The following CEP43 variants were observed in gnomAD, a reference collection of about 807,000 sequenced individuals.
CEP43 encodes centrosomal protein 43, also known as FGFR1 oncogene partner.
Under a neutral mutation model 52.6 loss-of-function variants are expected in CEP43, and 36 were observed. That is an observed-to-expected ratio of 0.68 (90% confidence interval 0.52 to 0.90). The LOEUF is 0.90. Ranked by LOEUF, CEP43 falls within the 40% of genes least tolerant of loss-of-function variation. The probability of loss-of-function intolerance (pLI) is 0.00; values close to 1 mark genes in which losing one functional copy is unlikely to be tolerated. For missense variants in CEP43, 506 were observed against 472.8 expected (o/e 1.07, Z -0.65); for synonymous variants, 192 against 172.4 (o/e 1.11, Z -0.89).
chr6:167,040,569 G>A lies in CEP43; in HGVS notation c.*591G>A. On this transcript the variant is annotated 3_prime_UTR_variant, in exon 13 of 13. Transcript: ENST00000366847. ...ATTAAGGTTATATTAAAGTACTCTT[G>A]TGTGTGCTATTTAGTTTTGCTTGTT... 1 of 1,066,830 alleles carries A rather than the reference G, an allele frequency of 9.4e-7. No individual in the cohort carries two copies. Among genetic ancestry groups the A allele is most frequent in the Non-Finnish European group, 1.1e-6 (1 of 877,608 alleles). 66.1% of individuals were successfully genotyped at this position (1,066,830 alleles called of 1,614,324 possible). A position where few individuals can be genotyped will look rare whatever the true frequency, so the allele number is the denominator to read the frequency against.
chr6:167,004,861 T>C (rs1779816666), intron 5 of CEP43, among the ~76,000 whole-genome samples: 1 of 152,250 alleles, frequency 6.6e-6, no homozygotes, highest in African/African-American at 2.4e-5. Flanking sequence ...ATTTTTGGAC[T>C]TAAAGGCCTC....
At position 167,000,031 on chromosome 6, in the gene CEP43, A is replaced by T. The variant is rs763739759; in HGVS notation, c.103-29A>T. ...GTTGTGAAAATTGTCTTGAAATTAT[A>T]ATTTCCTGTTTCTTAACTTTTTTTT... On this transcript the variant is annotated intron_variant, in intron 1 of 12. Transcript: ENST00000366847. 8.9e-6 allele frequency: 14 copies of T among 1,579,362 alleles called. 1 individual carries two copies. The highest frequency in any genetic ancestry group is 1.1e-5 in the Non-Finnish European group (13 of 1,151,120).
chr6:167,017,726 G>A (rs1364048806), intron 7 of CEP43, among the ~76,000 whole-genome samples: 1 of 151,868 alleles, frequency 6.6e-6, no homozygotes, highest in East Asian at 1.9e-4. Context: ...TTTATTATAT[G>A]AGTGTACTAT....
intron 5 of CEP43, among the ~76,000 whole-genome samples, chr6:167,009,523 A>G (rs1349148649): frequency 6.7e-6 from 1 of 149,966 alleles, no homozygotes; most frequent in Non-Finnish European, 1.5e-5. Flanking sequence ...AAAAAAAAAA[A>G]AAAAAATACA....
chr6:167,032,768 T>C (rs1780499122), intron 11 of CEP43, 126 bp downstream of exon 11: 2 of 830,182 alleles, frequency 2.4e-6, no homozygotes, highest in East Asian at 2.9e-5. Context: ...TTCATATTGA[T>C]TGAAGATGAA....
At chr6:166,999,800 C>T in intron 1 of CEP43, 2 of 531,184 alleles carry the variant, frequency 3.8e-6, no homozygotes, top group South Asian at 5.1e-5. Flanking sequence ...CACGGGCGGC[C>T]CGCAGCTGGG....
intron 5 of CEP43, among the ~76,000 whole-genome samples, chr6:167,006,245 G>A (rs1257312564): frequency 6.6e-6 from 1 of 152,214 alleles, no homozygotes; most frequent in Non-Finnish European, 1.5e-5. Context: ...GGCTGAGCGC[G>A]GTAGCTCATG....
intron 7 of CEP43, among the ~76,000 whole-genome samples, chr6:167,016,994 T>A (rs151606): frequency 0.81 from 121,155 of 149,316 alleles, 49,138 homozygotes; most frequent in East Asian, 0.99. Flanking sequence ...TTATTTATTT[T>A]TTTTTTTTTT....
At chr6:167,038,899 C>G (rs1453031489) in intron 12 of CEP43, among the ~76,000 whole-genome samples, 1 of 152,134 alleles carries the variant, frequency 6.6e-6, no homozygotes, top group African/African-American at 2.4e-5. Flanking sequence ...GTGCACCCAT[C>G]ACCCTAGCAG....
rs1780793593 is a variant in CEP43, at chr6:167,046,184, G to A, written c.*6206G>A. 1 of 146,878 alleles carries A rather than the reference G, an allele frequency of 6.8e-6. No individual in the cohort carries two copies. The highest frequency in any genetic ancestry group is 1.5e-5 in the Non-Finnish European group (1 of 66,182). The allele number at this position is 146,878 out of a possible 1,614,324, so 9.1% of individuals were successfully genotyped here. A position where few individuals can be genotyped will look rare whatever the true frequency, so the allele number is the denominator to read the frequency against. ...TAGGTATATATGGCAGATCATATCT[G>A]AGCGTGAATTACATTCTCCAATATT... On this transcript the variant is annotated 3_prime_UTR_variant, in exon 13 of 13. Transcript: ENST00000366847.
rs1262341230 is a variant in CEP43, at chr6:167,010,989, T to A, written c.519+96T>A. On this transcript the variant is annotated intron_variant, in intron 6 of 12. Coordinates refer to ENST00000366847, the MANE Select transcript of CEP43 (RefSeq NM_007045.4). ...GTCTTTCTTGTTACAAGTTGTATTG[T>A]TTTATATAAACACATGGGCTCTTTA... 5 of 623,906 alleles carry A rather than the reference T, an allele frequency of 8.0e-6. No individual in the cohort carries two copies. The South Asian group carries it at 9.6e-5, about 12-fold the overall frequency. The allele number at this position is 623,906 out of a possible 1,614,324, so 38.6% of individuals were successfully genotyped here. A position where few individuals can be genotyped will look rare whatever the true frequency, so the allele number is the denominator to read the frequency against.
chr6:167,020,365 T>TAC (rs1780198146), intron 7 of CEP43, among the ~76,000 whole-genome samples: 1 of 152,246 alleles, frequency 6.6e-6, no homozygotes, highest in Non-Finnish European at 1.5e-5. Flanking sequence ...GGTGTAAAGA[T>TAC]GTAAACGTAT....
At position 167,048,914 on chromosome 6, in the gene CEP43, G is replaced by A. The variant is rs1780836913; in HGVS notation, c.*8936G>A. ...GGTTTCCAGAAATGTGACAATTCTA[G>A]TACTTTCATGACATTTTAAAAAAGG... is the stretch of plus-strand genomic sequence containing the variant. On this transcript the variant is annotated 3_prime_UTR_variant, in exon 13 of 13. Coordinates refer to ENST00000366847, the MANE Select transcript of CEP43 (RefSeq NM_007045.4). 6.6e-6 allele frequency: 1 copy of A among 152,154 alleles called. No homozygotes were observed. The highest frequency in any genetic ancestry group is 2.4e-5 in the African/African-American group (1 of 41,428). The allele number at this position is 152,154 out of a possible 1,614,324, so 9.4% of individuals were successfully genotyped here. A position where few individuals can be genotyped will look rare whatever the true frequency, so the allele number is the denominator to read the frequency against.
rs188140487 is a variant in CEP43 at position 167,044,530 on chromosome 6, C to T, written c.*4552C>T. 19 of 985,396 alleles carry T rather than the reference C, an allele frequency of 1.9e-5. No homozygotes were observed. The highest frequency in any genetic ancestry group is 1.6e-4 in the African/African-American group (9 of 57,332). The allele number at this position is 985,396 out of a possible 1,614,324, so 61.0% of individuals were successfully genotyped here. A position where few individuals can be genotyped will look rare whatever the true frequency, so the allele number is the denominator to read the frequency against. On this transcript the variant is annotated 3_prime_UTR_variant, in exon 13 of 13. Transcript: ENST00000366847. ...GGTTCAAGGAAACCTGGGTGTGCAC[C>T]GGGTGAATGAGAGTGGCAGACAGAA...
In CEP43 at chr6:167,044,591, G is replaced by A. The variant is rs975406863; in HGVS notation, c.*4613G>A. ...AGGCCTCTGAGGTAGGAGGGACAGC[G>A]TTTTTGAATGTGAAATTTATTCCCT... On this transcript the variant is annotated 3_prime_UTR_variant, in exon 13 of 13. Transcript: ENST00000366847. 4.6e-5 allele frequency: 44 copies of A among 962,758 alleles called. No individual in the cohort carries two copies. The South Asian group carries it at 6.2e-4, about 14-fold the overall frequency. 59.6% of individuals were successfully genotyped at this position (962,758 alleles called of 1,614,324 possible). A position where few individuals can be genotyped will look rare whatever the true frequency, so the allele number is the denominator to read the frequency against.
intron 8 of CEP43, among the ~76,000 whole-genome samples, chr6:167,023,434 C>CA (rs1166203965): frequency 6.6e-6 from 1 of 152,104 alleles, no homozygotes; most frequent in Non-Finnish European, 1.5e-5. Context: ...AGGTTGGAAA[C>CA]ACGTTAGATG....
intron 7 of CEP43, among the ~76,000 whole-genome samples, chr6:167,022,101 A>C (rs1363046785): frequency 1.3e-5 from 2 of 152,230 alleles, no homozygotes; most frequent in Non-Finnish European, 2.9e-5. Flanking sequence ...GGATAGGTAT[A>C]CTAAAGGTAT....
Position 167,033,937 on chromosome 6 carries a change from C to T in CEP43, c.1091C>T (p.Ser364Phe). The change falls in exon 12 of 13, where the codon TCT becomes TTT. Residue 364 changes from serine to phenylalanine, a missense_variant. Coordinates refer to ENST00000366847, the MANE Select transcript of CEP43 (RefSeq NM_007045.4). ...SIGEEIEEDLSVEIDDINTSD... is the reference protein window; with the variant it reads ...SIGEEIEEDLFVEIDDINTSD... ...GGTGAAGAGATAGAAGAAGACCTTTCTGTGGAAATAGATGACATCAATACC... is the reference window on the plus strand; with the variant it reads ...GGTGAAGAGATAGAAGAAGACCTTTTTGTGGAAATAGATGACATCAATACC... 1 of 1,593,476 alleles carries T rather than the reference C, an allele frequency of 6.3e-7. No individual in the cohort carries two copies. The highest frequency in any genetic ancestry group is 1.1e-5 in the South Asian group (1 of 89,382).
chr6:167,025,637 T>C (rs1780337696), intron 9 of CEP43, among the ~76,000 whole-genome samples: 1 of 152,264 alleles, frequency 6.6e-6, no homozygotes, highest in South Asian at 2.1e-4. Context: ...TCTTTTTGTA[T>C]TGCTTGATAT....
Sources: gnomAD v4.1 joint callset for allele counts (sites outside exome capture counted in the v4.1 genomes callset) on GRCh38, gnomAD v4.1.1 for gene constraint, MANE v1.5 for transcripts, NCBI Gene and HGNC (gene_info 2026-07-23, HGNC 2026-07-21) for gene names.